Variants in MAP2K2 observed in about 807,000 individuals in gnomAD.
The protein encoded by MAP2K2 is dual specificity mitogen-activated protein kinase kinase 2.
MAP2K2 carries 24 observed loss-of-function variants against 43.7 expected under a neutral mutation model. The observed-to-expected ratio is 0.55, with a 90% CI of 0.40 to 0.77. MAP2K2 has a LOEUF of 0.77. Among genes scored for constraint, MAP2K2 ranks in the 30% least tolerant of loss-of-function variants. MAP2K2 has a pLI of 0.00. For missense variants in MAP2K2, 470 were observed against 566.8 expected (o/e 0.83, Z 1.73); for synonymous variants, 244 against 239.7 (o/e 1.02, Z -0.17).
Position 4,094,889 on chromosome 19 carries a change from G to A in MAP2K2, c.1047-391C>T, listed in dbSNP as rs116856574. On this transcript the variant is annotated intron_variant, in intron 9 of 10. Transcript: ENST00000262948. Reference sequence around the variant, plus strand: ...CAGGAGTGCGGTGCCGTTCCACGGCGTCCCGAGCTCACACACATGGACCGG... The same window carrying A: ...CAGGAGTGCGGTGCCGTTCCACGGCATCCCGAGCTCACACACATGGACCGG... 1,766 of 384,464 alleles carry A rather than the reference G, an allele frequency of 4.6e-3. 8 individuals are homozygous for A. Among genetic ancestry groups the A allele is most frequent in the Admixed American group, 7.6e-3 (193 of 25,504 alleles). 23.8% of individuals were successfully genotyped at this position (384,464 alleles called of 1,614,324 possible). A position where few individuals can be genotyped will look rare whatever the true frequency, so the allele number is the denominator to read the frequency against.
At position 4,115,114 on chromosome 19, in the gene MAP2K2, C is replaced by A. The variant is rs1484867122; in HGVS notation, c.303+2305G>T. Reference sequence around the variant, plus strand: ...AGAATTATAGAAGCACAGGAAGTTGCAAAAATAGTAACGAGAGTCCCGTGC... The same window carrying A: ...AGAATTATAGAAGCACAGGAAGTTGAAAAAATAGTAACGAGAGTCCCGTGC... On this transcript the variant is annotated intron_variant, in intron 2 of 10. Coordinates refer to ENST00000262948, the MANE Select transcript of MAP2K2 (RefSeq NM_030662.4). This position sits in a 1 kb window ranked among gnomAD's most constrained non-coding sequence, Gnocchi z 4.1. Among the ~76,000 whole-genome samples the A allele has an allele frequency of 6.6e-6, 1 of 152,048 alleles. No homozygotes were observed.
At chr19:4,120,231 A>C (rs931928516) in intron 1 of MAP2K2, among the ~76,000 whole-genome samples, 14 of 152,224 alleles carry the variant, frequency 9.2e-5, no homozygotes, top group South Asian at 2.1e-4. Context: ...GACCCAGAAG[A>C]AGCAGAAATG....
At position 4,110,776 on chromosome 19, in the gene MAP2K2, G is replaced by GC. The variant is rs572671792; in HGVS notation, c.304-122dup. ...TCAAGACCAACTCAGTACCCCCTCC[G>GC]CAATTCCACCCCTAGGTGTCTGCCT... On this transcript the variant is annotated intron_variant, in intron 2 of 10. Coordinates refer to ENST00000262948, the MANE Select transcript of MAP2K2 (RefSeq NM_030662.4). 6.5e-5 allele frequency: 66 copies of GC among 1,021,188 alleles called. No homozygotes were observed. The East Asian group carries it at 1.5e-3, about 23-fold the overall frequency. 63.3% of individuals were successfully genotyped at this position (1,021,188 alleles called of 1,614,324 possible).
intron 3 of MAP2K2, among the ~76,000 whole-genome samples, chr19:4,106,762 T>C (rs1277287109): frequency 1.3e-5 from 2 of 152,242 alleles, no homozygotes; most frequent in Non-Finnish European, 2.9e-5. Context: ...TGTTGTACTG[T>C]GGGGATACTC....
At chr19:4,116,769 A>C (rs939033270) in intron 2 of MAP2K2, among the ~76,000 whole-genome samples, 1 of 151,418 alleles carries the variant, frequency 6.6e-6, no homozygotes, top group Non-Finnish European at 1.5e-5. Context: ...CTCTACTAAA[A>C]ACACAAAAAA....
rs2041236333 is a variant in MAP2K2, at chr19:4,117,405, C to A, written c.303+14G>T. ...CCCACCACTCCCCGACCTCCCCGAC[C>A]CCGCAGTGCTCACCTTCCTGGCCAT... is the stretch of plus-strand genomic sequence containing the variant. On this transcript the variant is annotated intron_variant, in intron 2 of 10. Coordinates refer to ENST00000262948, the MANE Select transcript of MAP2K2 (RefSeq NM_030662.4). 1 of 1,611,526 alleles carries A rather than the reference C, an allele frequency of 6.2e-7. No individual in the cohort carries two copies. Among genetic ancestry groups the A allele is most frequent in the Non-Finnish European group, 8.5e-7 (1 of 1,179,834 alleles).
rs756646033 is a variant in MAP2K2 at position 4,110,607 on chromosome 19, C to T, written c.352G>A (p.Glu118Lys). The change falls in exon 3 of 11, where the codon GAG becomes AAG. Residue 118 changes from glutamate (E) to lysine (K), a missense_variant. Glu to Lys is a moderately conservative substitution (Grantham distance 56). Transcript: ENST00000262948. ...KPAIRNQIIR[E>K]LQVLHECNSP... ...TTGCATTCGTGCAGGACCTGCAGCT[C>T]GCGGATGATCTGGTTCCGGATGGCC... 5 of 1,613,866 alleles carry T rather than the reference C, an allele frequency of 3.1e-6. No homozygotes were observed. The highest frequency in any genetic ancestry group is 4.2e-6 in the Non-Finnish European group (5 of 1,180,016).
chr19:4,097,493 G>A, intron 7 of MAP2K2, 150 bp from the exon 8 acceptor site: 2 of 668,024 alleles, frequency 3.0e-6, no homozygotes, highest in Admixed American at 2.3e-5. Context: ...ACTGGACAAA[G>A]CTCCCCTGCC....
chr19:4,112,057 G>A (rs541349292), intron 2 of MAP2K2, among the ~76,000 whole-genome samples: 1 of 152,212 alleles, frequency 6.6e-6, no homozygotes, highest in Non-Finnish European at 1.5e-5. Context: ...AGGACCCCCA[G>A]CATGGCAAGG....
intron 1 of MAP2K2, among the ~76,000 whole-genome samples, chr19:4,118,835 T>G (rs997212521): frequency 6.6e-6 from 1 of 152,220 alleles, no homozygotes; most frequent in Non-Finnish European, 1.5e-5. Context: ...TGCACTTTAT[T>G]GGGTGATTCA....
In MAP2K2 at chr19:4,102,364, C is replaced by T. The variant is rs201780265; in HGVS notation, c.528+12G>A. The T allele has an allele frequency of 9.4e-6, 15 of 1,587,380 alleles. No individual in the cohort carries two copies. The highest frequency in any genetic ancestry group is 6.8e-5 in the East Asian group (3 of 43,980). ...GCGGTGGGGGCGCGATGTGGGTCTG[C>T]GGTGGACTCACCGCGATGCTGACTT... On this transcript the variant is annotated intron_variant, in intron 4 of 10. Coordinates refer to ENST00000262948, the MANE Select transcript of MAP2K2 (RefSeq NM_030662.4).
rs762268865 is a variant in MAP2K2 at position 4,117,473 on chromosome 19, G to A, written c.249C>T (p.Gly83=). The A allele has an allele frequency of 1.2e-5, 19 of 1,613,586 alleles. No homozygotes were observed. The highest frequency in any genetic ancestry group is 1.0e-4 in the Admixed American group (6 of 59,984). The change falls in exon 2 of 11, where the codon GGC becomes GGT. Residue 83 remains glycine, a synonymous_variant. Coordinates refer to ENST00000262948, the MANE Select transcript of MAP2K2 (RefSeq NM_030662.4). ...ERISELGAGN[G]GVVTKVQHRP... is the part of the protein sequence containing the mutation. ...TGTGCTGGACTTTGGTGACCACCCC[G>A]CCGTTGCCCGCGCCCAGCTCTGAGA...
chr19:4,112,345 A>T (rs2041164480), intron 2 of MAP2K2, among the ~76,000 whole-genome samples: 2 of 152,182 alleles, frequency 1.3e-5, no homozygotes, highest in Non-Finnish European at 2.9e-5. Flanking sequence ...AGCAACAAGG[A>T]GGTGACACTG....
At chr19:4,096,740 CAG>C (rs2040923571) in intron 8 of MAP2K2, among the ~76,000 whole-genome samples, 2 of 152,168 alleles carry the variant, frequency 1.3e-5, no homozygotes, top group Admixed American at 1.3e-4. Context: ...CGCTCTGATG[CAG>C]AGACACTGGG....
chr19:4,113,215 G>C (rs931028887), intron 2 of MAP2K2, among the ~76,000 whole-genome samples: 1 of 152,190 alleles, frequency 6.6e-6, no homozygotes, highest in Admixed American at 6.5e-5. Context: ...AGCTCCGAAC[G>C]TGAAATGAGG....
intron 3 of MAP2K2, among the ~76,000 whole-genome samples, chr19:4,105,455 A>C (rs1195517955): frequency 6.6e-6 from 1 of 151,828 alleles, no homozygotes; most frequent in Admixed American, 6.6e-5. Flanking sequence ...TTTTTAGTAG[A>C]GATGGGGTTT....
Position 4,102,458 on chromosome 19 carries a change from AG to A in MAP2K2, c.451-6del. On this transcript the variant is annotated splice_polypyrimidine_tract_variant and splice_region_variant and intron_variant, in intron 3 of 10. Transcript: ENST00000262948. Reference sequence around the variant, plus strand: ...CTGGTCCAGGGAGCCGCCGTCCTAGAGGGCACACAAGGAGTGAGTGCAGGCT... The same window carrying A: ...CTGGTCCAGGGAGCCGCCGTCCTAGAGGCACACAAGGAGTGAGTGCAGGCT... 6.3e-7 allele frequency: 1 copy of A among 1,592,178 alleles called. No homozygotes were observed.
chr19:4,099,073 A>G, intron 7 of MAP2K2, 128 bp downstream of exon 7: 2 of 783,748 alleles, frequency 2.6e-6, no homozygotes, highest in South Asian at 3.3e-5. Flanking sequence ...TGCTGACCAC[A>G]GTCGGCACCA....
Position 4,094,907 on chromosome 19 carries a change from T to C in MAP2K2, c.1047-409A>G, listed in dbSNP as rs556248332. 69 of 388,280 alleles carry C rather than the reference T, an allele frequency of 1.8e-4. No homozygotes were observed. In the South Asian group the frequency reaches 2.1e-3, roughly 12 times the overall value. The allele number at this position is 388,280 out of a possible 1,614,324, so 24.1% of individuals were successfully genotyped here. A position where few individuals can be genotyped will look rare whatever the true frequency, so the allele number is the denominator to read the frequency against. On this transcript the variant is annotated intron_variant, in intron 9 of 10. Coordinates refer to ENST00000262948, the MANE Select transcript of MAP2K2 (RefSeq NM_030662.4). ...CCACGGCGTCCCGAGCTCACACACA[T>C]GGACCGGCCCTGTGGGCAGCGGGGT...
Sources: allele counts gnomAD v4.1 joint callset (sites outside exome capture counted in the v4.1 genomes callset), GRCh38; gene constraint gnomAD v4.1.1; non-coding constraint Gnocchi (gnomAD v3.1); transcripts MANE v1.5; gene names NCBI Gene and HGNC (gene_info 2026-07-23, HGNC 2026-07-21).